The following MAPK10 variants were observed in gnomAD, a reference collection of about 807,000 sequenced individuals.
MAPK10 encodes JNK3 alpha protein kinase.
In MAPK10, 25 loss-of-function variants were observed where a neutral mutation model predicts 59.3. The observed-to-expected ratio is 0.42, with a 90% CI of 0.31 to 0.59. The LOEUF (loss-of-function observed/expected upper bound fraction) is 0.59. MAPK10 is among the 20% of genes least tolerant of loss of function. The pLI, the probability that MAPK10 is intolerant of heterozygous loss-of-function variation, is 0.15. For synonymous variants in MAPK10, 190 were observed against 200.5 expected, an observed-to-expected ratio of 0.95 and a Z score of 0.44; for missense variants, 351 against 568.9, an observed-to-expected ratio of 0.62 and a Z score of 3.90.
intron 1 of MAPK10, among the ~76,000 whole-genome samples, chr4:86,576,722 C>T (rs1761923570): frequency 6.6e-6 from 1 of 151,712 alleles, no homozygotes; most frequent in Non-Finnish European, 1.5e-5. Flanking sequence ...TTGCAGTGAG[C>T]CGAGATCGCG....
chr4:86,395,930 G>A (rs1269395159), intron 1 of MAPK10, among the ~76,000 whole-genome samples: 2 of 152,184 alleles, frequency 1.3e-5, no homozygotes, highest in Non-Finnish European at 2.9e-5. Flanking sequence ...ACACTTTGGG[G>A]ATTAATGTTT....
At position 86,015,859 on chromosome 4, in the gene MAPK10, G is replaced by A. The variant is rs575192939; in HGVS notation, c.*1369C>T. The A allele has an allele frequency of 7.2e-5, 11 of 152,180 alleles. No individual in the cohort carries two copies. The East Asian group carries it at 2.1e-3, about 29-fold the overall frequency. 9.4% of individuals were successfully genotyped at this position (152,180 alleles called of 1,614,324 possible). A position where few individuals can be genotyped will look rare whatever the true frequency, so the allele number is the denominator to read the frequency against. On this transcript the variant is annotated 3_prime_UTR_variant, in exon 14 of 14. Coordinates refer to ENST00000641462, the MANE Select transcript of MAPK10 (RefSeq NM_138982.4). ...AACATCAGCCACATTAAGGAGTCAG[G>A]GAAACTCCTGAGGAATAACAATGTC...
At chr4:86,543,861 GAA>G (rs1758926101) in intron 1 of MAPK10, among the ~76,000 whole-genome samples, 1 of 152,100 alleles carries the variant, frequency 6.6e-6, no homozygotes, top group African/African-American at 2.4e-5. Context: ...AACACTGGAA[GAA>G]AAAGTCATTT....
chr4:86,423,799 T>C (rs999456372), intron 1 of MAPK10, among the ~76,000 whole-genome samples: 3 of 106,558 alleles, frequency 2.8e-5, no homozygotes, highest in Non-Finnish European at 6.0e-5. Flanking sequence ...ATATATATGT[T>C]TAGGAGGCTT....
intron 1 of MAPK10, among the ~76,000 whole-genome samples, chr4:86,465,210 T>G (rs1237610169): frequency 2.0e-5 from 3 of 152,230 alleles, no homozygotes; most frequent in Admixed American, 2.0e-4. Flanking sequence ...CTGGACTACA[T>G]GCCAATCAGG....
At chr4:86,020,079 C>T (rs891927762) in intron 13 of MAPK10, 2 of 152,236 alleles carry the variant, frequency 1.3e-5, no homozygotes, top group Non-Finnish European at 2.9e-5. Context: ...CCCTGCACTC[C>T]ATTCCTCACC....
chr4:86,500,767 G>A (rs2149079069), intron 1 of MAPK10, among the ~76,000 whole-genome samples: 1 of 152,212 alleles, frequency 6.6e-6, no homozygotes, highest in South Asian at 2.1e-4. Flanking sequence ...GAAGCATAAA[G>A]CAATATCATT....
intron 1 of MAPK10, among the ~76,000 whole-genome samples, chr4:86,369,668 A>G (rs1738455915): frequency 6.6e-6 from 1 of 152,222 alleles, no homozygotes. Context: ...GCAATGCTAC[A>G]TTTGACAAGG....
intron 1 of MAPK10, among the ~76,000 whole-genome samples, chr4:86,547,107 C>T (rs1184102795): frequency 1.3e-5 from 2 of 152,214 alleles, no homozygotes; most frequent in Non-Finnish European, 2.9e-5. Context: ...AGTCAGAAGA[C>T]TAGTTATCCT....
chr4:86,099,620 G>GCTCT (rs1165601736), intron 8 of MAPK10: 8 of 152,184 alleles, frequency 5.3e-5, no homozygotes, highest in African/African-American at 1.9e-4. Context: ...TGGACTTAGA[G>GCTCT]AAGTCAAAAA....
At position 86,470,003 on chromosome 4, in the gene MAPK10, A is replaced by G. The variant is rs80181427; in HGVS notation, c.-262-115359T>C. Reference sequence around the variant, plus strand: ...AGACAATACAAGGTTCTGGAATAGCAAAAGAAAATGATAGCTGATTTAAGA... The same window carrying G: ...AGACAATACAAGGTTCTGGAATAGCGAAAGAAAATGATAGCTGATTTAAGA... On this transcript the variant is annotated intron_variant, in intron 1 of 4. Coordinates refer to the MAPK10 transcript ENST00000502302. Among the ~76,000 whole-genome samples the G allele has an allele frequency of 6.2e-3, 946 of 152,358 alleles. 5 individuals are homozygous for G. The highest frequency in any genetic ancestry group is 0.027 in the East Asian group (138 of 5,184).
At chr4:86,045,429 T>C (rs1465351100) in intron 11 of MAPK10, among the ~76,000 whole-genome samples, 1 of 152,106 alleles carries the variant, frequency 6.6e-6, no homozygotes. Flanking sequence ...AATTCCAAAT[T>C]TAATTATTTA....
intron 4 of MAPK10, among the ~76,000 whole-genome samples, chr4:86,119,061 G>T (rs1387600213): frequency 5.9e-5 from 9 of 151,814 alleles, no homozygotes; most frequent in South Asian, 2.1e-4. Context: ...TGATTTTTTT[G>T]GTTAATTATT....
intron 2 of MAPK10, among the ~76,000 whole-genome samples, chr4:86,199,220 T>C (rs1253357609): frequency 6.6e-6 from 1 of 152,000 alleles, no homozygotes; most frequent in Non-Finnish European, 1.5e-5. Context: ...AGTATACATG[T>C]ACAAGAAAAT....
intron 1 of MAPK10, among the ~76,000 whole-genome samples, chr4:86,467,710 G>T (rs911295748): frequency 1.1e-4 from 16 of 152,146 alleles, no homozygotes; most frequent in Non-Finnish European, 1.5e-5. Flanking sequence ...AATAGAGACA[G>T]GGTTTCACCA....
chr4:86,195,418 C>A (rs1200920289), intron 2 of MAPK10, among the ~76,000 whole-genome samples: 23 of 151,320 alleles, frequency 1.5e-4, no homozygotes. Context: ...TTTCAGAATG[C>A]ATAGCTGAGT....
intron 2 of MAPK10, among the ~76,000 whole-genome samples, chr4:86,282,026 T>C (rs978614568): frequency 6.6e-6 from 1 of 152,176 alleles, no homozygotes; most frequent in Non-Finnish European, 1.5e-5. Flanking sequence ...GAAGATGGAA[T>C]AATTATCGAA....
At chr4:86,351,524 A>C (rs1201461272) in intron 2 of MAPK10, among the ~76,000 whole-genome samples, 1 of 151,994 alleles carries the variant, frequency 6.6e-6, no homozygotes, top group African/African-American at 2.4e-5. Context: ...ATTCATTACC[A>C]AGTCCAGTTG....
chr4:86,187,503 T>A (rs1174052250), intron 3 of MAPK10, among the ~76,000 whole-genome samples: 1 of 152,056 alleles, frequency 6.6e-6, no homozygotes, highest in Non-Finnish European at 1.5e-5. Flanking sequence ...TTCAATTTAA[T>A]ATTTTGAGGA....
Sources: gnomAD v4.1 joint callset for allele counts (sites outside exome capture counted in the v4.1 genomes callset) on GRCh38, gnomAD v4.1.1 for gene constraint, MANE v1.5 for transcripts, NCBI Gene and HGNC (gene_info 2026-07-23, HGNC 2026-07-21) for gene names.